The following WDR59 variants were observed in gnomAD, a reference collection of about 807,000 sequenced individuals.
The protein encoded by WDR59 is GATOR2 complex protein WDR59.
WDR59 carries 100 observed loss-of-function variants against 131.2 expected under a neutral mutation model. The ratio of observed to expected loss-of-function variants is 0.76; its 90% CI spans 0.65 to 0.90. WDR59 has a LOEUF of 0.90. Ranked by LOEUF, WDR59 falls within the 40% of genes least tolerant of loss-of-function variation. The pLI, the probability that WDR59 is intolerant of heterozygous loss-of-function variation, is 0.00. For missense variants in WDR59, 1,203 were observed against 1,262.2 expected, an observed-to-expected ratio of 0.95 and a Z score of 0.71; for synonymous variants, 601 against 466.2, an observed-to-expected ratio of 1.29 and a Z score of -3.72.
chr16:74,927,361 G>A (rs529655199), intron 8 of WDR59, among the ~76,000 whole-genome samples: 1 of 152,160 alleles, frequency 6.6e-6, no homozygotes, highest in East Asian at 1.9e-4. Flanking sequence ...GCTGAGGTAG[G>A]CAGATCACCT....
At chr16:74,958,097 G>T (rs1017760215) in intron 2 of WDR59, among the ~76,000 whole-genome samples, 1 of 152,172 alleles carries the variant, frequency 6.6e-6, no homozygotes, top group East Asian at 1.9e-4. Context: ...ATAGGGGGCT[G>T]CAGAGACTTT....
intron 6 of WDR59, among the ~76,000 whole-genome samples, chr16:74,944,656 G>A (rs940037519): frequency 1.3e-5 from 2 of 151,868 alleles, no homozygotes; most frequent in African/African-American, 2.4e-5. Context: ...TGTACCACTC[G>A]GGGTATGCTA....
In WDR59 at chr16:74,871,676, AG is replaced by A. The variant is rs1302823879; in HGVS notation, c.*2532del. On this transcript the variant is annotated 3_prime_UTR_variant, in exon 26 of 26. Transcript: ENST00000262144. Reference sequence around the variant, plus strand: ...TACACTAACTTGAGCAGTGGGGAACAGGAAAAGATTGCTCTCTGCAAATGGT... The same window carrying A: ...TACACTAACTTGAGCAGTGGGGAACAGAAAAGATTGCTCTCTGCAAATGGT... 2.0e-5 allele frequency: 3 copies of A among 152,238 alleles called. No individual in the cohort carries two copies. Among genetic ancestry groups the A allele is most frequent in the Non-Finnish European group, 2.9e-5 (2 of 68,032 alleles). The allele number at this position is 152,238 out of a possible 1,614,324, so 9.4% of individuals were successfully genotyped here.
At chr16:74,892,779 C>G (rs1965106654) in intron 19 of WDR59, among the ~76,000 whole-genome samples, 1 of 152,138 alleles carries the variant, frequency 6.6e-6, no homozygotes, top group Non-Finnish European at 1.5e-5. Flanking sequence ...GCCTGGGGAA[C>G]TTGAAATTGC....
intron 6 of WDR59, among the ~76,000 whole-genome samples, chr16:74,947,485 A>G (rs1324319589): frequency 2.6e-5 from 4 of 152,226 alleles, no homozygotes; most frequent in Non-Finnish European, 5.9e-5. Context: ...AAAGAAAAAC[A>G]CAAACCCAAA....
At chr16:74,916,751 C>CGG (rs1966408300) in intron 11 of WDR59, among the ~76,000 whole-genome samples, 1 of 150,536 alleles carries the variant, frequency 6.6e-6, no homozygotes, top group Non-Finnish European at 1.5e-5. Context: ...CCCAGCTACT[C>CGG]GGGAGGCTGA....
chr16:74,964,882 G>C (rs1054300834), intron 2 of WDR59, among the ~76,000 whole-genome samples: 2 of 152,016 alleles, frequency 1.3e-5, no homozygotes, highest in Non-Finnish European at 2.9e-5. Context: ...GGCCAACATG[G>C]TGAAACCCTG....
intron 7 of WDR59, among the ~76,000 whole-genome samples, chr16:74,940,833 G>A (rs1240154431): frequency 6.6e-6 from 1 of 152,006 alleles, no homozygotes; most frequent in Non-Finnish European, 1.5e-5. Flanking sequence ...AGCCTCCCGA[G>A]TAGCTGGGAC....
chr16:74,909,479 T>A, intron 16 of WDR59, 22 bp downstream of exon 16: 3 of 1,519,680 alleles, frequency 2.0e-6, no homozygotes, highest in Non-Finnish European at 2.6e-6. Context: ...AAATCTAGAA[T>A]CAAAGAACCA....
intron 8 of WDR59, among the ~76,000 whole-genome samples, chr16:74,936,547 C>T (rs765697063): frequency 6.6e-6 from 1 of 151,862 alleles, no homozygotes; most frequent in East Asian, 1.9e-4. Flanking sequence ...CAAATGCAGC[C>T]GGGCATGGTA....
chr16:74,921,169 G>C (rs925675677), intron 10 of WDR59, among the ~76,000 whole-genome samples: 11 of 152,050 alleles, frequency 7.2e-5, no homozygotes, highest in African/African-American at 2.7e-4. Context: ...ATGGGGGTTT[G>C]TTGTACAGAT....
chr16:74,875,649 C>A (rs540521220), intron 25 of WDR59, among the ~76,000 whole-genome samples: 11 of 152,336 alleles, frequency 7.2e-5, no homozygotes, highest in African/African-American at 2.4e-4. Context: ...AGTCCACCTG[C>A]CCCTTTCTAG....
chr16:74,976,032 T>C (rs1235467654), intron 1 of WDR59, among the ~76,000 whole-genome samples: 2 of 152,094 alleles, frequency 1.3e-5, no homozygotes, highest in African/African-American at 4.8e-5. Context: ...AGAAAAAATA[T>C]TTCACAGTAT....
In WDR59 at chr16:74,871,837, TC is replaced by T; in HGVS notation, c.*2371del. The T allele has an allele frequency of 6.6e-6, 1 of 152,284 alleles. No individual in the cohort carries two copies. The highest frequency in any genetic ancestry group is 1.5e-5 in the Non-Finnish European group (1 of 68,034). The allele number at this position is 152,284 out of a possible 1,614,324, so 9.4% of individuals were successfully genotyped here. A position where few individuals can be genotyped will look rare whatever the true frequency, so the allele number is the denominator to read the frequency against. On this transcript the variant is annotated 3_prime_UTR_variant, in exon 26 of 26. Coordinates refer to ENST00000262144, the MANE Select transcript of WDR59 (RefSeq NM_030581.4). The stretch of plus-strand genomic sequence containing the variant: ...CTTCTCCTGTCATCCTCCCAGCGGC[TC>T]CCCCGCCCTGCTCACGCTACTGAGA...
intron 23 of WDR59, 67 bp downstream of exon 23, chr16:74,887,616 A>C: frequency 1.4e-6 from 2 of 1,417,750 alleles, no homozygotes; most frequent in Non-Finnish European, 2.0e-6. Flanking sequence ...CATCAACTAA[A>C]GGTTACATAT....
chr16:74,954,495 A>G (rs2033181053), intron 3 of WDR59, among the ~76,000 whole-genome samples: 1 of 152,208 alleles, frequency 6.6e-6, no homozygotes, highest in Non-Finnish European at 1.5e-5. Context: ...AAAAATACAA[A>G]AAATAAATTT....
intron 18 of WDR59, among the ~76,000 whole-genome samples, chr16:74,903,601 G>A (rs1965657868): frequency 6.6e-6 from 1 of 152,070 alleles, no homozygotes; most frequent in African/African-American, 2.4e-5. Context: ...TTAATTTGCT[G>A]AGAAACATCA....
chr16:74,893,763 C>T lies in WDR59; in HGVS notation c.1916G>A (p.Arg639Gln), dbSNP rs779078769. Residue 639 changes from arginine (R) to glutamine (Q), a missense_variant, in exon 19 of 26, where the codon CGA becomes CAA. Transcript: ENST00000262144. ...SKREGSDSGN[R>Q]QIKAAGKVII... is the part of the protein sequence containing the mutation. ...GACTTTCCCAGCAGCCTTGATCTGT[C>T]GATTGCCAGAGTCTGATCCCTCACG... 10 of 1,614,148 alleles carry T rather than the reference C, an allele frequency of 6.2e-6. No individual in the cohort carries two copies. The highest frequency in any genetic ancestry group is 8.5e-6 in the Non-Finnish European group (10 of 1,180,018).
intron 1 of WDR59, among the ~76,000 whole-genome samples, chr16:74,978,064 A>T (rs565191695): frequency 6.6e-6 from 1 of 152,056 alleles, no homozygotes; most frequent in East Asian, 1.9e-4. Flanking sequence ...TTTAAAAATT[A>T]CCCAGGACTG....
Sources: gnomAD v4.1 joint callset for allele counts (sites outside exome capture counted in the v4.1 genomes callset) on GRCh38, gnomAD v4.1.1 for gene constraint, MANE v1.5 for transcripts, NCBI Gene and HGNC (gene_info 2026-07-23, HGNC 2026-07-21) for gene names.